The following TCP11L2 variants were observed in gnomAD, a reference collection of about 807,000 sequenced individuals.
TCP11L2 encodes T-complex protein 11-like protein 2.
Under a neutral mutation model 50.7 loss-of-function variants are expected in TCP11L2, and 39 were observed. That is an observed-to-expected ratio of 0.77 (90% CI 0.60 to 1.01). The LOEUF (loss-of-function observed/expected upper bound fraction) is 1.01. TCP11L2 is among the 50% of genes least tolerant of loss of function. The pLI is 0.00. For synonymous variants in TCP11L2, 192 were observed against 219.3 expected (o/e 0.88, Z 1.10); for missense variants, 612 against 614.7 (o/e 1.00, Z 0.05).
chr12:106,340,816 T>G lies in TCP11L2; in HGVS notation c.1143-10T>G. 1.3e-6 allele frequency: 2 copies of G among 1,560,250 alleles called. No individual in the cohort carries two copies. The highest frequency in any genetic ancestry group is 4.5e-5 in the East Asian group (2 of 44,008). ...CTTTCCCTGGTGGAATTTCATTTTA[T>G]GTTTCATAGGACCTTTAACTTGAAG... On this transcript the variant is annotated splice_polypyrimidine_tract_variant and intron_variant, in intron 8 of 9. Coordinates refer to ENST00000299045, the MANE Select transcript of TCP11L2 (RefSeq NM_152772.3).
chr12:106,302,582 A>G (rs2034457201), upstream of TCP11L2, among the ~76,000 whole-genome samples: 2 of 151,360 alleles, frequency 1.3e-5, no homozygotes, highest in African/African-American at 4.9e-5. Context: ...CGCATCCGAA[A>G]CACCCTCCCA....
At chr12:106,321,270 A>T (rs1449911398) in intron 4 of TCP11L2, among the ~76,000 whole-genome samples, 1 of 152,110 alleles carries the variant, frequency 6.6e-6, no homozygotes, top group East Asian at 1.9e-4. Flanking sequence ...GGAGTTTCCC[A>T]TGGTGGGGGC....
At chr12:106,314,647 C>G (rs144209108) in intron 3 of TCP11L2, among the ~76,000 whole-genome samples, 154 bp downstream of exon 3, 123 of 149,536 alleles carry the variant, frequency 8.2e-4, no homozygotes, top group African/African-American at 2.6e-3. Flanking sequence ...CCTGGAAGTT[C>G]TTGTATAATA....
upstream of TCP11L2, among the ~76,000 whole-genome samples, chr12:106,302,440 T>A (rs2136570433): frequency 7.0e-6 from 1 of 142,982 alleles, no homozygotes; most frequent in Non-Finnish European, 1.5e-5. Flanking sequence ...CCGCCCCCAG[T>A]GCCCTGGCAG....
chr12:106,326,703 G>A (rs1382843884), intron 6 of TCP11L2, among the ~76,000 whole-genome samples: 2 of 152,174 alleles, frequency 1.3e-5, no homozygotes, highest in Non-Finnish European at 2.9e-5. Context: ...TAACCCAGAT[G>A]TGTCTCTGAC....
At chr12:106,306,138 C>G (rs1384467133) in intron 1 of TCP11L2, among the ~76,000 whole-genome samples, 1 of 152,214 alleles carries the variant, frequency 6.6e-6, no homozygotes, top group Non-Finnish European at 1.5e-5. Flanking sequence ...GCTATCACAG[C>G]AGTGGGCACA....
Position 106,311,027 on chromosome 12 carries a change from G to A in TCP11L2, c.-35-14G>A, listed in dbSNP as rs774038951. The A allele has an allele frequency of 6.3e-7, 1 of 1,597,766 alleles. No homozygotes were observed. The highest frequency in any genetic ancestry group is 1.1e-5 in the South Asian group (1 of 88,638). On this transcript the variant is annotated splice_polypyrimidine_tract_variant and intron_variant, in intron 1 of 9. Transcript: ENST00000299045. ...ACCACAGAACATTGACGCAGGGTCT[G>A]TTTGTCTGTGCAGGTGCTACCTTTT...
At chr12:106,311,394 C>T (rs932921303) in intron 2 of TCP11L2, among the ~76,000 whole-genome samples, 162 bp downstream of exon 2, 2 of 152,194 alleles carry the variant, frequency 1.3e-5, no homozygotes, top group Non-Finnish European at 1.5e-5. Context: ...GACACATTCT[C>T]AGAAATAGCC....
At chr12:106,337,874 GTTGT>G (rs1361851630) in intron 8 of TCP11L2, among the ~76,000 whole-genome samples, 1 of 152,110 alleles carries the variant, frequency 6.6e-6, no homozygotes, top group African/African-American at 2.4e-5. Context: ...ATTGTATCTG[GTTGT>G]TTATCTGGTT....
At chr12:106,319,056 C>T (rs1468050142) in intron 4 of TCP11L2, among the ~76,000 whole-genome samples, 5 of 152,202 alleles carry the variant, frequency 3.3e-5, no homozygotes, top group South Asian at 2.1e-4. Context: ...GGACTACAGG[C>T]GCCCGCCACC....
At chr12:106,329,477 C>T (rs2035672069) in intron 6 of TCP11L2, 8 of 1,516,016 alleles carry the variant, frequency 5.3e-6, no homozygotes, top group Non-Finnish European at 3.5e-6. Flanking sequence ...GCTCCTTCTG[C>T]TTTACCGGTC....
intron 6 of TCP11L2, among the ~76,000 whole-genome samples, 181 bp from the exon 7 acceptor site, chr12:106,335,458 G>A (rs1418478100): frequency 1.3e-5 from 2 of 152,086 alleles, no homozygotes; most frequent in African/African-American, 4.8e-5. Flanking sequence ...AGCATTCATT[G>A]TACTCTGTTA....
chr12:106,316,252 A>AT (rs2035074949), intron 3 of TCP11L2, among the ~76,000 whole-genome samples: 1 of 98,416 alleles, frequency 1.0e-5, no homozygotes, highest in Admixed American at 1.1e-4. Flanking sequence ...CATCTTCCAT[A>AT]TCCAGTAGCC....
At position 106,311,023 on chromosome 12, in the gene TCP11L2, G is replaced by A. The variant is rs2034832209; in HGVS notation, c.-35-18G>A. On this transcript the variant is annotated intron_variant, in intron 1 of 9. Transcript: ENST00000299045. ...AAGTACCACAGAACATTGACGCAGG[G>A]TCTGTTTGTCTGTGCAGGTGCTACC... The A allele has an allele frequency of 6.3e-7, 1 of 1,590,206 alleles. No homozygotes were observed. The highest frequency in any genetic ancestry group is 1.7e-5 in the Admixed American group (1 of 59,016).
chr12:106,307,214 T>A (rs1356567111), intron 1 of TCP11L2: 1 of 152,250 alleles, frequency 6.6e-6, no homozygotes, highest in African/African-American at 2.4e-5. Flanking sequence ...GACATTATAT[T>A]TATTATCACA....
At chr12:106,346,195 G>A (rs2136853108) in intron 9 of TCP11L2, 91 bp from the exon 10 acceptor site, 1 of 1,331,696 alleles carries the variant, frequency 7.5e-7, no homozygotes, top group South Asian at 1.5e-5. Flanking sequence ...GAACATTATT[G>A]CAGTCAACCT....
At position 106,311,049 on chromosome 12, in the gene TCP11L2, T is replaced by G; in HGVS notation, c.-27T>G. On this transcript the variant is annotated 5_prime_UTR_variant, in exon 2 of 10. Coordinates refer to ENST00000299045, the MANE Select transcript of TCP11L2 (RefSeq NM_152772.3). ...TCTGTTTGTCTGTGCAGGTGCTACC[T>G]TTTTACCCACACTTAAGTGACGCAA... 3.7e-6 allele frequency: 6 copies of G among 1,611,692 alleles called. No homozygotes were observed. The highest frequency in any genetic ancestry group is 4.2e-6 in the Non-Finnish European group (5 of 1,178,632).
chr12:106,329,558 A>G (rs1466208203), intron 6 of TCP11L2: 4 of 1,417,596 alleles, frequency 2.8e-6, no homozygotes, highest in Non-Finnish European at 3.7e-6. Flanking sequence ...CCTGCCTCAG[A>G]CAGAATAAAT....
At chr12:106,335,962 A>G (rs1439300505) in intron 7 of TCP11L2, 70 bp from the exon 8 acceptor site, 2 of 1,501,408 alleles carry the variant, frequency 1.3e-6, no homozygotes, top group African/African-American at 1.4e-5. Flanking sequence ...TGGAAATGAC[A>G]TTGCCTGTTT....
Sources: allele counts gnomAD v4.1 joint callset (sites outside exome capture counted in the v4.1 genomes callset), GRCh38; gene constraint gnomAD v4.1.1; transcripts MANE v1.5; gene names NCBI Gene and HGNC (gene_info 2026-07-23, HGNC 2026-07-21).